MAP2: variants seen among roughly 807,000 people sequenced by gnomAD.
The protein encoded by MAP2 is microtubule-associated protein 2.
MAP2 carries 14 observed loss-of-function variants against 137.6 expected under a neutral mutation model. The ratio of observed to expected loss-of-function variants is 0.10; its 90% CI spans 0.07 to 0.16. MAP2 has a LOEUF of 0.16. Ranked by LOEUF, MAP2 falls within the 10% of genes least tolerant of loss-of-function variation. MAP2 has a pLI of 1.00. For missense variants in MAP2, 2,088 were observed against 2,191.5 expected, an observed-to-expected ratio of 0.95 and a Z score of 0.94; for synonymous variants, 786 against 782.3, an observed-to-expected ratio of 1.00 and a Z score of -0.08.
At chr2:209,638,149 T>C (rs1257263369) in intron 4 of MAP2, among the ~76,000 whole-genome samples, 1 of 152,166 alleles carries the variant, frequency 6.6e-6, no homozygotes, top group Non-Finnish European at 1.5e-5. Context: ...TTAGCAAATG[T>C]ATGTCCCATC....
At chr2:209,465,055 C>G (rs1703793682) in intron 1 of MAP2, among the ~76,000 whole-genome samples, 1 of 151,978 alleles carries the variant, frequency 6.6e-6, no homozygotes, top group Non-Finnish European at 1.5e-5. Flanking sequence ...TGACCATTCC[C>G]CCAGTGTTGG....
intron 1 of MAP2, among the ~76,000 whole-genome samples, chr2:209,478,812 G>A (rs1708029118): frequency 6.6e-6 from 1 of 152,120 alleles, no homozygotes; most frequent in Non-Finnish European, 1.5e-5. Flanking sequence ...TTGATGTCTT[G>A]TGATATTTGT....
intron 1 of MAP2, among the ~76,000 whole-genome samples, chr2:209,465,722 G>T (rs1703968800): frequency 6.6e-6 from 1 of 152,056 alleles, no homozygotes; most frequent in African/African-American, 2.4e-5. Flanking sequence ...GACTCCATAG[G>T]AGTCTAAATG....
intron 1 of MAP2, among the ~76,000 whole-genome samples, chr2:209,463,017 A>C (rs1297067471): frequency 6.6e-6 from 1 of 152,120 alleles, no homozygotes; most frequent in Admixed American, 6.5e-5. Context: ...AAATACGTGC[A>C]CACACACATG....
Position 209,518,667 on chromosome 2 carries a change from G to A in MAP2, c.-172+11026G>A, listed in dbSNP as rs1370249482. Among the ~76,000 whole-genome samples the A allele has an allele frequency of 2.6e-5, 4 of 152,014 alleles. No homozygotes were observed. In the East Asian group the frequency reaches 7.8e-4, roughly 29 times the overall value. On this transcript the variant is annotated intron_variant, in intron 2 of 15. Coordinates refer to ENST00000682079, the MANE Select transcript of MAP2 (RefSeq NM_001375505.1). Reference sequence around the variant, plus strand: ...TTCTTTAACTGTAAGCAGAAACCCAGTTCATCATGAGATTTTTCATTCTCT... The same window carrying A: ...TTCTTTAACTGTAAGCAGAAACCCAATTCATCATGAGATTTTTCATTCTCT...
At position 209,693,204 on chromosome 2, in the gene MAP2, T is replaced by C. The variant is rs1308880403; in HGVS notation, c.1034T>C (p.Leu345Ser). Reference sequence around the variant, plus strand: ...ACATCGCCCTTTGCCCCTGCCTTTTTACAGCCAGATGACAAAAAATCTCTG... The same window carrying C: ...ACATCGCCCTTTGCCCCTGCCTTTTCACAGCCAGATGACAAAAAATCTCTG... ...TETSPFAPAF[L>S]QPDDKKSLQQ... The change falls in exon 8 of 16, where the codon TTA (leucine) becomes TCA (serine). Residue 345 changes from leucine to serine, a missense_variant. Leu to Ser is a moderately radical substitution (Grantham distance 145, BLOSUM62 -2). Transcript: ENST00000682079. 5 of 1,612,546 alleles carry C rather than the reference T, an allele frequency of 3.1e-6. No individual in the cohort carries two copies. The highest frequency in any genetic ancestry group is 4.2e-6 in the Non-Finnish European group (5 of 1,179,706).
intron 3 of MAP2, among the ~76,000 whole-genome samples, chr2:209,582,698 G>GATAA (rs1417428871): frequency 1.6e-5 from 2 of 124,510 alleles, no homozygotes; most frequent in Non-Finnish European, 3.8e-5. Context: ...TAGATAGATA[G>GATAA]ATAGAATATT....
At chr2:209,708,292 C>T (rs1342124851) in intron 12 of MAP2, among the ~76,000 whole-genome samples, 1 of 152,160 alleles carries the variant, frequency 6.6e-6, no homozygotes, top group African/African-American at 2.4e-5. Flanking sequence ...ATAAAAATCA[C>T]AGAACACATG....
Position 209,694,534 on chromosome 2 carries a change from T to G in MAP2, c.2364T>G (p.Ser788=). The part of the protein sequence containing the change: ...ESTQAEISCE[S]PFLAKDFYKN... ...CTCAAGCGGAGATATCATGTGAGTC[T>G]CCTTTCCTAGCCAAAGATTTTTACA... The change falls in exon 8 of 16, where the codon TCT becomes TCG. Residue 788 remains serine, a synonymous_variant. Transcript: ENST00000682079. 4.3e-6 allele frequency: 7 copies of G among 1,614,080 alleles called. No individual in the cohort carries two copies. Among genetic ancestry groups the G allele is most frequent in the Non-Finnish European group, 5.9e-6 (7 of 1,179,998 alleles).
rs150943412 is a variant in MAP2 at position 209,477,396 on chromosome 2, TA to T, written c.-221-30188del. Reference sequence around the variant, plus strand: ...CTGTAGTACATAAATATGGCTCTATTAAAAAAAATTAAAAATAATGACAATA... The same window carrying T: ...CTGTAGTACATAAATATGGCTCTATTAAAAAAATTAAAAATAATGACAATA... On this transcript the variant is annotated intron_variant, in intron 1 of 15. Transcript: ENST00000682079. Among the ~76,000 whole-genome samples the T allele has an allele frequency of 1.2e-3, 184 of 151,990 alleles. 1 individual carries two copies. Among genetic ancestry groups the T allele is most frequent in the African/African-American group, 3.0e-3 (125 of 41,460 alleles).
At position 209,705,823 on chromosome 2, in the gene MAP2, A is replaced by G. The variant is rs909304450; in HGVS notation, c.4732+96A>G. On this transcript the variant is annotated intron_variant, in intron 12 of 15. Transcript: ENST00000682079. The stretch of plus-strand genomic sequence containing the variant: ...TTATATTTTAATTTGTAAAAATAAA[A>G]CATGCATTAAGACTAGATTATATTT... The G allele has an allele frequency of 6.4e-6, 7 of 1,101,178 alleles. No individual in the cohort carries two copies. In the Admixed American group the frequency reaches 1.4e-4, roughly 22 times the overall value. The allele number at this position is 1,101,178 out of a possible 1,614,324, so 68.2% of individuals were successfully genotyped here.
intron 1 of MAP2, among the ~76,000 whole-genome samples, chr2:209,472,208 G>C (rs1705927054): frequency 6.6e-6 from 1 of 152,168 alleles, no homozygotes; most frequent in South Asian, 2.1e-4. Context: ...AGAAGTTATA[G>C]ATTTTTAATT....
chr2:209,640,006 C>T (rs2093886594), intron 4 of MAP2, among the ~76,000 whole-genome samples: 1 of 152,020 alleles, frequency 6.6e-6, no homozygotes, highest in African/African-American at 2.4e-5. Context: ...AAAGTGTTGC[C>T]TAGCCCAAGT....
At chr2:209,617,055 G>T (rs1487234538) in intron 3 of MAP2, among the ~76,000 whole-genome samples, 4 of 152,158 alleles carry the variant, frequency 2.6e-5, no homozygotes, top group Non-Finnish European at 5.9e-5. Flanking sequence ...TACACAGAAA[G>T]GCGGGATGGG....
At chr2:209,546,714 T>C (rs923487675) in intron 2 of MAP2, among the ~76,000 whole-genome samples, 1 of 152,218 alleles carries the variant, frequency 6.6e-6, no homozygotes, top group Non-Finnish European at 1.5e-5. Context: ...TGTTTGATTC[T>C]CAAAAGGCCA....
chr2:209,498,964 C>A (rs1484174913), intron 1 of MAP2, among the ~76,000 whole-genome samples: 2 of 152,178 alleles, frequency 1.3e-5, no homozygotes, highest in Non-Finnish European at 2.9e-5. Context: ...ATGCAAATTT[C>A]TCTAGCAAGT....
chr2:209,481,437 T>C (rs1052303059), intron 1 of MAP2, among the ~76,000 whole-genome samples: 4 of 152,188 alleles, frequency 2.6e-5, no homozygotes, highest in East Asian at 1.9e-4. Context: ...CATTGTTTCA[T>C]TGATGGGGGA....
At chr2:209,726,491 G>T (rs1175799286) in intron 14 of MAP2, among the ~76,000 whole-genome samples, 2 of 152,118 alleles carry the variant, frequency 1.3e-5, no homozygotes, top group Non-Finnish European at 1.5e-5. Context: ...GGGCATGTTG[G>T]CTCATGCCTG....
intron 13 of MAP2, among the ~76,000 whole-genome samples, chr2:209,711,149 G>A (rs530211512): frequency 1.3e-5 from 2 of 152,064 alleles, no homozygotes; most frequent in Non-Finnish European, 1.5e-5. Flanking sequence ...GTACATAAAC[G>A]AACTTATAAT....
Sources: allele counts gnomAD v4.1 joint callset (sites outside exome capture counted in the v4.1 genomes callset), GRCh38; gene constraint gnomAD v4.1.1; transcripts MANE v1.5; gene names NCBI Gene and HGNC (gene_info 2026-07-23, HGNC 2026-07-21).